ATP2C2: variants seen among roughly 807,000 people sequenced by gnomAD.
ATP2C2 encodes calcium-transporting ATPase type 2C member 2.
A neutral mutation model predicts 110.8 loss-of-function variants in ATP2C2; 171 were observed. That is an observed-to-expected ratio of 1.54 (90% CI 1.36 to 1.75). ATP2C2 has a LOEUF of 1.75. Ranked by LOEUF, ATP2C2 falls within the 40% of genes most tolerant of loss-of-function variation. ATP2C2 has a pLI of 0.00. For synonymous variants in ATP2C2, 804 were observed against 508.4 expected, an observed-to-expected ratio of 1.58 and a Z score of -7.82; for missense variants, 1,963 against 1,235.0, an observed-to-expected ratio of 1.59 and a Z score of -8.84.
Position 84,439,462 on chromosome 16 carries a change from A to C in ATP2C2, c.1147A>C (p.Thr383Pro), listed in dbSNP as rs1909045397. The C allele has an allele frequency of 6.2e-7, 1 of 1,613,688 alleles. No homozygotes were observed. ...CGTTCTCTGTTCTGACAAGACGGGG[A>C]CTCTGACTGCCAATGAAATGACAGT... ...CSVLCSDKTG[T>P]LTANEMTVTQ... is the part of the protein sequence containing the mutation. Residue 383 changes from threonine (T) to proline (P), a missense_variant, in exon 13 of 27, where the codon ACT (threonine) becomes CCT (proline). Physicochemically the swap from Thr to Pro is conservative, Grantham distance 38. Coordinates refer to ENST00000262429, the MANE Select transcript of ATP2C2 (RefSeq NM_014861.4).
At chr16:84,459,513 C>T (rs1421304496) in intron 23 of ATP2C2, 127 bp downstream of exon 23, 2 of 1,565,054 alleles carry the variant, frequency 1.3e-6, no homozygotes, top group East Asian at 2.3e-5. Flanking sequence ...CAGGAGTTCC[C>T]AGAAAACTGA....
chr16:84,386,922 G>GTTT (rs1476078426), intron 1 of ATP2C2, among the ~76,000 whole-genome samples: 1 of 69,098 alleles, frequency 1.4e-5, no homozygotes, highest in Admixed American at 1.3e-4. Flanking sequence ...TTGTTTGTTT[G>GTTT]TTTTGGTCCC....
At chr16:84,370,209 C>T (rs1347220127) in intron 1 of ATP2C2, among the ~76,000 whole-genome samples, 1 of 152,180 alleles carries the variant, frequency 6.6e-6, no homozygotes, top group Non-Finnish European at 1.5e-5. Context: ...GGACTCGTCC[C>T]TCCAAAGCTT....
intron 6 of ATP2C2, among the ~76,000 whole-genome samples, chr16:84,414,294 G>A (rs1906640638): frequency 6.6e-6 from 1 of 152,110 alleles, no homozygotes; most frequent in Non-Finnish European, 1.5e-5. Flanking sequence ...GAGCCGTGGG[G>A]TTAGTTAATT....
At chr16:84,376,992 G>T (rs1487761420) in intron 1 of ATP2C2, among the ~76,000 whole-genome samples, 1 of 152,198 alleles carries the variant, frequency 6.6e-6, no homozygotes, top group African/African-American at 2.4e-5. Flanking sequence ...ATCTGGATCT[G>T]TGGACGCTTC....
At chr16:84,436,227 G>A (rs762348693) in intron 11 of ATP2C2, among the ~76,000 whole-genome samples, 2 of 152,294 alleles carry the variant, frequency 1.3e-5, no homozygotes, top group East Asian at 3.9e-4. Context: ...TTAAAAATTG[G>A]GAGTTTGCAT....
intron 6 of ATP2C2, among the ~76,000 whole-genome samples, chr16:84,411,493 G>A (rs529912508): frequency 1.3e-5 from 2 of 152,182 alleles, no homozygotes; most frequent in Non-Finnish European, 2.9e-5. Context: ...CCAGGCTGGA[G>A]TGCAGTGGCA....
chr16:84,398,150 C>G (rs893981459), intron 1 of ATP2C2, among the ~76,000 whole-genome samples: 1 of 150,382 alleles, frequency 6.6e-6, no homozygotes, highest in South Asian at 2.1e-4. Flanking sequence ...ACCTTTAATC[C>G]CAGCACTTTG....
intron 8 of ATP2C2, 29 bp downstream of exon 8, chr16:84,422,568 C>A (rs1217173331): frequency 6.2e-7 from 1 of 1,611,650 alleles, no homozygotes; most frequent in Non-Finnish European, 8.5e-7. Context: ...AGGCCTTGGG[C>A]TCCCGTAACC....
At chr16:84,446,573 C>G (rs1314634280) in intron 16 of ATP2C2, 143 bp downstream of exon 16, 4 of 522,516 alleles carry the variant, frequency 7.7e-6, no homozygotes, top group Non-Finnish European at 1.3e-5. Flanking sequence ...AACTTAATCA[C>G]CATCATACCT....
intron 4 of ATP2C2, among the ~76,000 whole-genome samples, chr16:84,409,881 C>A (rs1401780027): frequency 2.6e-5 from 4 of 152,176 alleles, no homozygotes; most frequent in African/African-American, 9.7e-5. Flanking sequence ...AACACAGACT[C>A]ATTCCACACG....
intron 16 of ATP2C2, 137 bp downstream of exon 16, chr16:84,446,567 T>G (rs1052861309): frequency 3.7e-6 from 2 of 541,748 alleles, no homozygotes; most frequent in Non-Finnish European, 6.4e-6. Context: ...TGGAAAAACT[T>G]AATCACCATC....
At chr16:84,422,830 T>G in intron 9 of ATP2C2, 133 bp downstream of exon 9, 1 of 1,038,924 alleles carries the variant, frequency 9.6e-7, no homozygotes, top group South Asian at 1.9e-5. Context: ...TTTTAAACAT[T>G]TAATTTTTTT....
chr16:84,424,484 G>C (rs1384491130), intron 10 of ATP2C2, among the ~76,000 whole-genome samples: 1 of 151,746 alleles, frequency 6.6e-6, no homozygotes, highest in Non-Finnish European at 1.5e-5. Flanking sequence ...TGTCATGTTG[G>C]CCAGGCTGGT....
At position 84,463,933 on chromosome 16, in the gene ATP2C2, G is replaced by A. The variant is rs919100665; in HGVS notation, c.*201G>A. ...CATCCATCCAGCGTTCCCGCTGGCTGTGGGACAGACAGGGAGGGGCCTGTA... is the reference window on the plus strand; with the variant it reads ...CATCCATCCAGCGTTCCCGCTGGCTATGGGACAGACAGGGAGGGGCCTGTA... On this transcript the variant is annotated 3_prime_UTR_variant, in exon 27 of 27. Coordinates refer to ENST00000262429, the MANE Select transcript of ATP2C2 (RefSeq NM_014861.4). 2 of 569,152 alleles carry A rather than the reference G, an allele frequency of 3.5e-6. No individual in the cohort carries two copies. The highest frequency in any genetic ancestry group is 6.3e-6 in the Non-Finnish European group (2 of 319,166). The allele number at this position is 569,152 out of a possible 1,614,324, so 35.3% of individuals were successfully genotyped here. A position where few individuals can be genotyped will look rare whatever the true frequency, so the allele number is the denominator to read the frequency against.
intron 1 of ATP2C2, among the ~76,000 whole-genome samples, chr16:84,378,036 G>A (rs1910350960): frequency 6.6e-6 from 1 of 152,174 alleles, no homozygotes; most frequent in African/African-American, 2.4e-5. Flanking sequence ...AAACTCAAGT[G>A]CAAACAGAGA....
chr16:84,446,274 G>GTA, intron 15 of ATP2C2, 55 bp from the exon 16 acceptor site: 1 of 1,052,412 alleles, frequency 9.5e-7, no homozygotes, highest in Non-Finnish European at 1.4e-6. Flanking sequence ...ACTGAGCTTT[G>GTA]TATAGAGATT....
chr16:84,423,198 C>A lies in ATP2C2; in HGVS notation c.854C>A (p.Thr285Asn). Residue 285 changes from threonine to asparagine, a missense_variant, in exon 10 of 27, where the codon ACT (threonine) becomes AAT (asparagine). Coordinates refer to ENST00000262429, the MANE Select transcript of ATP2C2 (RefSeq NM_014861.4). ...TGCTCACCCTTTCAGACACCTAAAA[C>A]TCCTTTGCAGAAAAGCATGGACAGG... is the stretch of plus-strand genomic sequence containing the variant. ...KMMQAEETPK[T>N]PLQKSMDRLG... 6.2e-7 allele frequency: 1 copy of A among 1,614,092 alleles called. No homozygotes were observed. The highest frequency in any genetic ancestry group is 8.5e-7 in the Non-Finnish European group (1 of 1,179,966).
In ATP2C2 at chr16:84,451,928, C is replaced by T; in HGVS notation, c.1668C>T (p.Ala556=). 2 of 1,613,972 alleles carry T rather than the reference C, an allele frequency of 1.2e-6. No homozygotes were observed. Among genetic ancestry groups the T allele is most frequent in the Admixed American group, 1.7e-5 (1 of 59,996 alleles). The change falls in exon 18 of 27, where the codon GCC becomes GCT. Residue 556 remains alanine, a synonymous_variant. Coordinates refer to ENST00000262429, the MANE Select transcript of ATP2C2 (RefSeq NM_014861.4). ...RMGSLGLRVL[A]LASGPELGRL... ...CTCCCCCTCTCTCCTCAGTGCTGGC[C>T]CTGGCTTCTGGGCCCGAGCTGGGGC...
Sources: allele counts gnomAD v4.1 joint callset (sites outside exome capture counted in the v4.1 genomes callset), GRCh38; gene constraint gnomAD v4.1.1; transcripts MANE v1.5; gene names NCBI Gene and HGNC (gene_info 2026-07-23, HGNC 2026-07-21).